The following HSPA12A variants were observed in gnomAD, a reference collection of about 807,000 sequenced individuals.
The protein encoded by HSPA12A is heat shock 70 kDa protein 12A.
HSPA12A carries 28 observed loss-of-function variants against 69.2 expected under a neutral mutation model. The observed-to-expected ratio is 0.40, with a 90% CI of 0.30 to 0.55. The LOEUF (loss-of-function observed/expected upper bound fraction) is 0.55. Among genes scored for constraint, HSPA12A ranks in the 20% least tolerant of loss-of-function variants. The pLI, the probability that HSPA12A is intolerant of heterozygous loss-of-function variation, is 0.38. For synonymous variants in HSPA12A, 345 were observed against 370.5 expected, an observed-to-expected ratio of 0.93 and a Z score of 0.79; for missense variants, 686 against 900.7, an observed-to-expected ratio of 0.76 and a Z score of 3.05.
Position 116,707,183 on chromosome 10 carries a change from ACACACACAC to A in HSPA12A, c.126+8_126+16del. ...CACACACACACACACACACACACAC[ACACACACAC>A]TTCTTACCACAATATGGGAGGGGGA... is the stretch of plus-strand genomic sequence containing the variant. On this transcript the variant is annotated splice_region_variant and intron_variant, in intron 2 of 11. Transcript: ENST00000369209. 6.4e-7 allele frequency: 1 copy of A among 1,572,180 alleles called. No homozygotes were observed. Among genetic ancestry groups the A allele is most frequent in the East Asian group, 2.2e-5 (1 of 44,502 alleles).
At chr10:116,694,885 G>A (rs781803265) in intron 5 of HSPA12A, among the ~76,000 whole-genome samples, 1 of 152,136 alleles carries the variant, frequency 6.6e-6, no homozygotes, top group Non-Finnish European at 1.5e-5. Context: ...GTTCCAAGCA[G>A]GCTTCACAAC....
At chr10:116,752,322 T>C (rs1851793522) in intron 2 of HSPA12A, among the ~76,000 whole-genome samples, 1 of 152,220 alleles carries the variant, frequency 6.6e-6, no homozygotes, top group Non-Finnish European at 1.5e-5. Flanking sequence ...AGTCTAAAGT[T>C]TGCATTAAAG....
At chr10:116,813,448 C>T (rs915389203) in intron 2 of HSPA12A, among the ~76,000 whole-genome samples, 8 of 151,846 alleles carry the variant, frequency 5.3e-5, no homozygotes, top group African/African-American at 1.9e-4. Context: ...AGGGTTTCAC[C>T]GTGTTAGCCA....
chr10:116,745,662 A>G (rs183111628), upstream of HSPA12A, among the ~76,000 whole-genome samples: 688 of 152,208 alleles, frequency 4.5e-3, 9 homozygotes, highest in African/African-American at 0.016. Context: ...CAGTGCCTCC[A>G]CTGGAAGCCG....
intron 2 of HSPA12A, among the ~76,000 whole-genome samples, chr10:116,781,097 A>T (rs1844452980): frequency 6.6e-6 from 1 of 152,108 alleles, no homozygotes; most frequent in African/African-American, 2.4e-5. Context: ...CCATTTTGAG[A>T]CTAAGTGTTA....
Position 116,701,064 on chromosome 10 carries a change from G to T in HSPA12A, c.320C>A (p.Pro107His), listed in dbSNP as rs372144587. 16 of 1,614,052 alleles carry T rather than the reference G, an allele frequency of 9.9e-6. No individual in the cohort carries two copies. The highest frequency in any genetic ancestry group is 1.3e-5 in the African/African-American group (1 of 74,920). Residue 107 changes from proline to histidine, a missense_variant, in exon 4 of 12, where the codon CCC becomes CAC. By Grantham distance (77) the Pro-to-His change is moderately conservative. Coordinates refer to ENST00000369209, the MANE Select transcript of HSPA12A (RefSeq NM_025015.3). ...QKTPTTILLT[P>H]ERKFHSFGYA... is the part of the protein sequence containing the mutation. ...CCCGAAGCTGTGGAACTTCCTCTCG[G>T]GAGTCAGCAAGATGGTGGTTGGAGT...
At chr10:116,821,758 G>C (rs1845412209) in intron 2 of HSPA12A, among the ~76,000 whole-genome samples, 1 of 152,184 alleles carries the variant, frequency 6.6e-6, no homozygotes, top group Non-Finnish European at 1.5e-5. Context: ...CTGGACCTCA[G>C]GGAGTGGCAC....
chr10:116,811,394 C>T (rs1304804295), intron 2 of HSPA12A, among the ~76,000 whole-genome samples: 1 of 151,856 alleles, frequency 6.6e-6, no homozygotes, highest in African/African-American at 2.4e-5. Flanking sequence ...CTCCGCAAGG[C>T]TCTTGTGCCA....
chr10:116,760,044 T>A (rs1306709729), intron 2 of HSPA12A, among the ~76,000 whole-genome samples: 4 of 152,170 alleles, frequency 2.6e-5, no homozygotes, highest in African/African-American at 9.7e-5. Flanking sequence ...TATATCTTTA[T>A]CAGCAGTATG....
intron 1 of HSPA12A, among the ~76,000 whole-genome samples, chr10:116,720,130 C>G (rs1850728099): frequency 6.6e-6 from 1 of 152,184 alleles, no homozygotes; most frequent in Non-Finnish European, 1.5e-5. Flanking sequence ...TGAATTATAT[C>G]TCAATTAAAA....
intron 6 of HSPA12A, among the ~76,000 whole-genome samples, chr10:116,684,280 G>A (rs1849511798): frequency 6.6e-6 from 1 of 152,108 alleles, no homozygotes; most frequent in Non-Finnish European, 1.5e-5. Context: ...GGGAGGAGCG[G>A]GGGGATTCCG....
At chr10:116,799,276 A>T (rs1446573360) in intron 2 of HSPA12A, among the ~76,000 whole-genome samples, 1 of 152,162 alleles carries the variant, frequency 6.6e-6, no homozygotes, top group Non-Finnish European at 1.5e-5. Flanking sequence ...CACCCTGTTC[A>T]GGGCTTTTCC....
At chr10:116,727,554 A>G (rs1564797916) in intron 1 of HSPA12A, among the ~76,000 whole-genome samples, 1 of 152,248 alleles carries the variant, frequency 6.6e-6, no homozygotes, top group East Asian at 1.9e-4. Flanking sequence ...CCAACTGAGG[A>G]TGATTTGACT....
intron 2 of HSPA12A, among the ~76,000 whole-genome samples, chr10:116,754,843 C>T (rs782322864): frequency 2.6e-5 from 4 of 152,188 alleles, no homozygotes; most frequent in East Asian, 1.9e-4. Context: ...ATGGAGTCAT[C>T]GTAAACTAAG....
At chr10:116,821,711 C>T (rs180897752) in intron 2 of HSPA12A, among the ~76,000 whole-genome samples, 5 of 152,160 alleles carry the variant, frequency 3.3e-5, no homozygotes, top group African/African-American at 4.8e-5. Context: ...CTGATCCACC[C>T]GTGTCACTTG....
intron 7 of HSPA12A, 80 bp from the exon 8 acceptor site, chr10:116,681,957 T>TA: frequency 7.8e-7 from 1 of 1,276,262 alleles, no homozygotes; most frequent in Non-Finnish European, 1.1e-6. Context: ...GTGAAGGCAA[T>TA]AGCATGAGGA....
intron 2 of HSPA12A, chr10:116,830,455 T>G (rs1279222318): frequency 6.6e-6 from 1 of 152,220 alleles, no homozygotes. Flanking sequence ...TATATGTGTA[T>G]GTATATGCTA....
At chr10:116,699,527 C>T (rs1199972329) in intron 4 of HSPA12A, among the ~76,000 whole-genome samples, 2 of 152,180 alleles carry the variant, frequency 1.3e-5, no homozygotes, top group African/African-American at 2.4e-5. Context: ...CAGATTGTCC[C>T]AGGCTGGGTA....
intron 9 of HSPA12A, among the ~76,000 whole-genome samples, chr10:116,680,077 G>A (rs543857901): frequency 6.6e-6 from 1 of 152,206 alleles, no homozygotes; most frequent in South Asian, 2.1e-4. Context: ...TGCAATCTCC[G>A]CCTCCTGGGT....
Sources: allele counts gnomAD v4.1 joint callset (sites outside exome capture counted in the v4.1 genomes callset), GRCh38; gene constraint gnomAD v4.1.1; transcripts MANE v1.5; gene names NCBI Gene and HGNC (gene_info 2026-07-23, HGNC 2026-07-21).